The following PPHLN1 variants were observed in gnomAD, a reference collection of about 807,000 sequenced individuals.
The protein encoded by PPHLN1 is periphilin 1.
In PPHLN1, 29 loss-of-function variants were observed where a neutral mutation model predicts 51.3. That is an observed-to-expected ratio of 0.57 (90% CI 0.42 to 0.77). The LOEUF (loss-of-function observed/expected upper bound fraction) is 0.77, where lower values mean the gene tolerates loss of function less well. PPHLN1 is among the 30% of genes least tolerant of loss of function. The probability of loss-of-function intolerance (pLI) is 0.00; values close to 1 mark genes in which losing one functional copy is unlikely to be tolerated. For synonymous variants in PPHLN1, 147 were observed against 147.8 expected (o/e 0.99, Z 0.04); for missense variants, 436 against 438.4 (o/e 0.99, Z 0.05).
intron 4 of PPHLN1, among the ~76,000 whole-genome samples, chr12:42,367,622 C>T (rs1398986560): frequency 1.3e-5 from 2 of 151,934 alleles, no homozygotes; most frequent in South Asian, 2.1e-4. Context: ...TGATATTTTT[C>T]GTCTATCTTC....
downstream of PPHLN1, chr12:42,445,320 G>C: frequency 1.8e-6 from 1 of 563,788 alleles, no homozygotes; most frequent in Non-Finnish European, 3.2e-6. Context: ...CCAGAGACTA[G>C]CTAAACAAAT....
At chr12:42,416,289 G>A in intron 9 of PPHLN1, among the ~76,000 whole-genome samples, 1 of 152,172 alleles carries the variant, frequency 6.6e-6, no homozygotes, top group East Asian at 1.9e-4. Context: ...TAAATTAGAA[G>A]GAGCTTGAAT....
chr12:42,442,233 T>C (rs914104695), downstream of PPHLN1: 1 of 161,614 alleles, frequency 6.2e-6, no homozygotes. Context: ...GGAGAAGCTA[T>C]AAGGAAAGAC....
At chr12:42,406,460 A>G (rs1459384876) in intron 9 of PPHLN1, among the ~76,000 whole-genome samples, 2 of 152,166 alleles carry the variant, frequency 1.3e-5, no homozygotes, top group Non-Finnish European at 2.9e-5. Flanking sequence ...AATTGTGTTT[A>G]TGAGATTCGT....
At chr12:42,377,306 T>C (rs1256861332) in intron 5 of PPHLN1, among the ~76,000 whole-genome samples, 7 of 146,040 alleles carry the variant, frequency 4.8e-5, no homozygotes, top group Middle Eastern at 3.5e-3. Flanking sequence ...TCTTTCTTTT[T>C]TTTTTTTTTT....
chr12:42,342,564 G>A lies in PPHLN1; in HGVS notation c.72+6590G>A, dbSNP rs1164930926. ...TTTTCATTAGCTTATTTGAAAATGG[G>A]AGAGAAGTTCCAGTTTCAGAATTTT... On this transcript the variant is annotated intron_variant, in intron 2 of 9. Transcript: ENST00000358314. Among the ~76,000 whole-genome samples the A allele has an allele frequency of 2.6e-5, 4 of 152,214 alleles. 1 individual carries two copies. The highest frequency in any genetic ancestry group is 5.9e-5 in the Non-Finnish European group (4 of 68,032).
chr12:42,448,068 C>T (rs1300425601), downstream of PPHLN1: 1 of 136,478 alleles, frequency 7.3e-6, no homozygotes, highest in African/African-American at 2.4e-5. Context: ...CTCCCCGCTT[C>T]CCTGGGGTTT....
At chr12:42,367,264 T>C (rs900480801) in intron 4 of PPHLN1, among the ~76,000 whole-genome samples, 1 of 152,180 alleles carries the variant, frequency 6.6e-6, no homozygotes, top group Non-Finnish European at 1.5e-5. Context: ...CTACTATGAA[T>C]AATGGTGAGT....
intron 4 of PPHLN1, chr12:42,359,339 GTC>G (rs1334308828): frequency 1.3e-5 from 2 of 152,098 alleles, no homozygotes; most frequent in South Asian, 2.1e-4. Flanking sequence ...TGCTCTTCTA[GTC>G]TCTGGGAATA....
chr12:42,369,259 C>A (rs1456597439), intron 4 of PPHLN1, among the ~76,000 whole-genome samples: 2 of 152,166 alleles, frequency 1.3e-5, no homozygotes, highest in African/African-American at 4.8e-5. Flanking sequence ...CATAAAGATT[C>A]TTTTACTGAA....
intron 4 of PPHLN1, among the ~76,000 whole-genome samples, chr12:42,360,178 TA>T (rs2074490534): frequency 6.6e-6 from 1 of 151,746 alleles, no homozygotes; most frequent in Admixed American, 6.6e-5. Context: ...GAGATTTCAT[TA>T]ATGTCTCCAG....
intron 9 of PPHLN1, among the ~76,000 whole-genome samples, chr12:42,418,192 G>A (rs1314940497): frequency 1.5e-5 from 2 of 136,612 alleles, no homozygotes; most frequent in African/African-American, 2.7e-5. Context: ...GCCCCGCCTC[G>A]ACCACTGCTC....
chr12:42,438,592 T>A (rs1386255738), intron 9 of PPHLN1, among the ~76,000 whole-genome samples: 1 of 152,138 alleles, frequency 6.6e-6, no homozygotes, highest in African/African-American at 2.4e-5. Flanking sequence ...TTACTGTTTT[T>A]TTGTTTTTTG....
intron 5 of PPHLN1, among the ~76,000 whole-genome samples, chr12:42,379,695 A>G (rs2076602195): frequency 6.6e-6 from 1 of 151,938 alleles, no homozygotes; most frequent in Admixed American, 6.6e-5. Context: ...GTGCAATTGT[A>G]TGTGTGTAGT....
At chr12:42,367,819 C>T (rs1357914157) in intron 4 of PPHLN1, among the ~76,000 whole-genome samples, 1 of 152,156 alleles carries the variant, frequency 6.6e-6, no homozygotes. Context: ...ACTGTAACCT[C>T]CGCCTCCTGG....
Position 42,384,941 on chromosome 12 carries a change from G to T in PPHLN1, c.513G>T (p.Lys171Asn). 6.2e-7 allele frequency: 1 copy of T among 1,608,910 alleles called. No homozygotes were observed. Among genetic ancestry groups the T allele is most frequent in the South Asian group, 1.1e-5 (1 of 91,018 alleles). ...SYSFHQSQHR[K>N]SVRPGASYKR... ...TCCTCCCTGCCCACCTTTCCATAGAGTCCGTGCGTCCTGGTGCCTCCTACA... is the reference window on the plus strand; with the variant it reads ...TCCTCCCTGCCCACCTTTCCATAGATTCCGTGCGTCCTGGTGCCTCCTACA... Residue 171 changes from lysine to asparagine, a missense_variant and splice_region_variant, in exon 6 of 10, where the codon AAG becomes AAT. Physicochemically the swap from Lys to Asn is moderately conservative, Grantham distance 94. Coordinates refer to ENST00000358314, the MANE Select transcript of PPHLN1 (RefSeq NM_201439.2).
At chr12:42,372,609 C>A (rs73272004) in intron 4 of PPHLN1, among the ~76,000 whole-genome samples, 2,865 of 152,248 alleles carry the variant, frequency 0.019, 80 homozygotes, top group African/African-American at 0.065. Context: ...CCATTTCTCT[C>A]TTCATGGTAG....
At chr12:42,398,822 A>G (rs1419252442) in intron 8 of PPHLN1, 32 bp from the exon 9 acceptor site, 1 of 1,605,764 alleles carries the variant, frequency 6.2e-7, no homozygotes, top group African/African-American at 1.3e-5. Flanking sequence ...TTTTTTAAGA[A>G]AATAATTAAA....
intron 9 of PPHLN1, among the ~76,000 whole-genome samples, chr12:42,400,847 G>A (rs1342539434): frequency 6.9e-6 from 1 of 145,198 alleles, no homozygotes; most frequent in Non-Finnish European, 1.5e-5. Context: ...CACGCAAGTG[G>A]CTATACTCTG....
Sources: allele counts gnomAD v4.1 joint callset (sites outside exome capture counted in the v4.1 genomes callset), GRCh38; gene constraint gnomAD v4.1.1; transcripts MANE v1.5; gene names NCBI Gene and HGNC (gene_info 2026-07-23, HGNC 2026-07-21).